The following PHLPP2 variants were observed in gnomAD, a reference collection of about 807,000 sequenced individuals.
The protein encoded by PHLPP2 is PH domain leucine-rich repeat-containing protein phosphatase 2.
Under a neutral mutation model 124.9 loss-of-function variants are expected in PHLPP2, and 66 were observed. That is an observed-to-expected ratio of 0.53 (90% confidence interval 0.43 to 0.65). PHLPP2 has a LOEUF of 0.65. Ranked by LOEUF, PHLPP2 falls within the 30% of genes least tolerant of loss-of-function variation. The pLI is 0.00. For missense variants in PHLPP2, 1,685 were observed against 1,600.4 expected, an observed-to-expected ratio of 1.05 and a Z score of -0.90; for synonymous variants, 681 against 624.7, an observed-to-expected ratio of 1.09 and a Z score of -1.34.
intron 14 of PHLPP2, 57 bp downstream of exon 14, chr16:71,658,596 C>A: frequency 2.0e-6 from 3 of 1,516,826 alleles, no homozygotes; most frequent in Non-Finnish European, 1.8e-6. Flanking sequence ...AAAATAATGT[C>A]ATTCACTCTC....
In PHLPP2 at chr16:71,649,308, A is replaced by G. The variant is rs760386086; in HGVS notation, c.3554T>C (p.Leu1185Pro). 1 of 1,613,804 alleles carries G rather than the reference A, an allele frequency of 6.2e-7. No homozygotes were observed. Among genetic ancestry groups the G allele is most frequent in the African/African-American group, 1.3e-5 (1 of 75,034 alleles). Reference sequence around the variant, plus strand: ...ACACAGGGTAGGAGAACTCTCTATGAGAGGGGGTGAGTTCTCCAGATCCCT... The same window carrying G: ...ACACAGGGTAGGAGAACTCTCTATGGGAGGGGGTGAGTTCTCCAGATCCCT... ...RGRDLENSPP[L>P]IESSPTLCSE... is the part of the protein sequence containing the mutation. Residue 1185 changes from leucine to proline, a missense_variant, in exon 19 of 19, where the codon CTC becomes CCC. Leu to Pro is a moderately conservative substitution (Grantham distance 98, BLOSUM62 -3). Coordinates refer to ENST00000568954, the MANE Select transcript of PHLPP2 (RefSeq NM_015020.3).
chr16:71,697,940 C>T (rs937371373), intron 3 of PHLPP2, among the ~76,000 whole-genome samples: 5 of 151,558 alleles, frequency 3.3e-5, no homozygotes, highest in African/African-American at 4.9e-5. Context: ...CTCTGCCTCC[C>T]GGGTTCACAC....
chr16:71,647,131 T>C lies in PHLPP2; in HGVS notation c.*1759A>G, dbSNP rs2044659122. On this transcript the variant is annotated 3_prime_UTR_variant, in exon 19 of 19. Transcript: ENST00000568954. ...ACAAATTAAAAATGGCCCTACTTTA[T>C]TTTTAATTGTAAAAGTGTTCCAAAA... 1 of 152,666 alleles carries C rather than the reference T, an allele frequency of 6.6e-6. No individual in the cohort carries two copies. The highest frequency in any genetic ancestry group is 6.5e-5 in the Admixed American group (1 of 15,276). 9.5% of individuals were successfully genotyped at this position (152,666 alleles called of 1,614,324 possible).
rs1454164178 is a variant in PHLPP2, at chr16:71,648,082, G to C, written c.*808C>G. On this transcript the variant is annotated 3_prime_UTR_variant, in exon 19 of 19. Coordinates refer to ENST00000568954, the MANE Select transcript of PHLPP2 (RefSeq NM_015020.3). ...CTACATTTCCAACAGACATCATTTT[G>C]ATAGGCTGTATTCTCGTAGAGAAGA... 6.6e-6 allele frequency: 1 copy of C among 152,606 alleles called. No individual in the cohort carries two copies. Among genetic ancestry groups the C allele is most frequent in the Admixed American group, 6.5e-5 (1 of 15,280 alleles). 9.5% of individuals were successfully genotyped at this position (152,606 alleles called of 1,614,324 possible).
chr16:71,667,195 G>A lies in PHLPP2; in HGVS notation c.1767C>T (p.Leu589=). Residue 589 remains leucine, a synonymous_variant, in exon 12 of 19, where the codon CTC becomes CTT. Coordinates refer to ENST00000568954, the MANE Select transcript of PHLPP2 (RefSeq NM_015020.3). Reference sequence around the variant, plus strand: ...ATACTTACTTTAAGGCCTTGGAGAAGAGGGTGTCTGGCAGCCTCGTGAGTG... The same window carrying A: ...ATACTTACTTTAAGGCCTTGGAGAAAAGGGTGTCTGGCAGCCTCGTGAGTG... ...HNALTRLPDT[L]FSKALNLRYL... 1 of 1,613,222 alleles carries A rather than the reference G, an allele frequency of 6.2e-7. No homozygotes were observed. Among genetic ancestry groups the A allele is most frequent in the Non-Finnish European group, 8.5e-7 (1 of 1,179,742 alleles).
At chr16:71,666,651 A>G (rs1456815038) in intron 12 of PHLPP2, among the ~76,000 whole-genome samples, 1 of 152,266 alleles carries the variant, frequency 6.6e-6, no homozygotes, top group Non-Finnish European at 1.5e-5. Context: ...TCTATTTGTT[A>G]ATTTATAGTG....
At chr16:71,660,161 G>A (rs1438997816) in intron 13 of PHLPP2, among the ~76,000 whole-genome samples, 1 of 151,722 alleles carries the variant, frequency 6.6e-6, no homozygotes, top group Non-Finnish European at 1.5e-5. Context: ...CATTTTAGTA[G>A]ATAGTATTCT....
At chr16:71,666,968 G>T (rs2044844969) in intron 12 of PHLPP2, among the ~76,000 whole-genome samples, 1 of 152,094 alleles carries the variant, frequency 6.6e-6, no homozygotes, top group African/African-American at 2.4e-5. Flanking sequence ...CCTCTTTAAG[G>T]ATTTAACAGT....
At chr16:71,711,777 T>C (rs1421046647) in intron 2 of PHLPP2, among the ~76,000 whole-genome samples, 1 of 152,248 alleles carries the variant, frequency 6.6e-6, no homozygotes, top group East Asian at 1.9e-4. Flanking sequence ...ATGCCTTAGA[T>C]TGTCAACTAT....
At chr16:71,679,020 A>C (rs201333912) in intron 7 of PHLPP2, 35 bp from the exon 8 acceptor site, 1 of 1,196,632 alleles carries the variant, frequency 8.4e-7, no homozygotes, top group African/African-American at 1.5e-5. Context: ...CTACTTTATG[A>C]AAGGTTTCAC....
At chr16:71,657,358 G>A (rs763042212) in intron 15 of PHLPP2, among the ~76,000 whole-genome samples, 43 of 151,724 alleles carry the variant, frequency 2.8e-4, no homozygotes, top group Middle Eastern at 6.8e-3. Context: ...AATTACAGGC[G>A]TGAGCCACCA....
At chr16:71,661,316 C>G (rs1480984437) in intron 13 of PHLPP2, among the ~76,000 whole-genome samples, 1 of 152,098 alleles carries the variant, frequency 6.6e-6, no homozygotes, top group Non-Finnish European at 1.5e-5. Flanking sequence ...CGTGATCCAC[C>G]CAACTCAGCT....
chr16:71,687,611 T>G (rs2045066054), intron 4 of PHLPP2, among the ~76,000 whole-genome samples: 1 of 152,192 alleles, frequency 6.6e-6, no homozygotes, highest in Non-Finnish European at 1.5e-5. Context: ...TATTTTAGCG[T>G]TACAAAGTCT....
rs764598355 is a variant in PHLPP2, at chr16:71,649,120, G to A, written c.3742C>T (p.Leu1248=). Residue 1248 remains leucine (L), a synonymous_variant, in exon 19 of 19, where the codon CTA becomes TTA. Transcript: ENST00000568954. The part of the protein sequence containing the change: ...KKLSNGSIVP[L]EDSLNLIEVA... ...TCAATGAGGTTCAGGCTGTCCTCTA[G>A]GGGCACAATAGAGCCATTGGAGAGT... is the stretch of plus-strand genomic sequence containing the variant. 4.3e-6 allele frequency: 7 copies of A among 1,613,892 alleles called. No individual in the cohort carries two copies. The highest frequency in any genetic ancestry group is 5.1e-6 in the Non-Finnish European group (6 of 1,179,896).
Position 71,646,859 on chromosome 16 carries a change from C to G in PHLPP2, c.*2031G>C, listed in dbSNP as rs377747026. On this transcript the variant is annotated 3_prime_UTR_variant, in exon 19 of 19. Transcript: ENST00000568954. ...AATAGCTGACCAGTAGTTTGACAATCTGGGGACTCAAGTTCAGATTCTCGA... is the reference window on the plus strand; with the variant it reads ...AATAGCTGACCAGTAGTTTGACAATGTGGGGACTCAAGTTCAGATTCTCGA... 2.0e-5 allele frequency: 3 copies of G among 152,308 alleles called. No homozygotes were observed. Among genetic ancestry groups the G allele is most frequent in the South Asian group, 4.2e-4 (2 of 4,818 alleles). The allele number at this position is 152,308 out of a possible 1,614,324, so 9.4% of individuals were successfully genotyped here.
rs1026287519 is a variant in PHLPP2, at chr16:71,645,076, T to A, written c.*3814A>T. ...TTTCAAAAATATCAAAAATACACTATAATGAGTCTTAAGACTACAATACGA... is the reference window on the plus strand; with the variant it reads ...TTTCAAAAATATCAAAAATACACTAAAATGAGTCTTAAGACTACAATACGA... On this transcript the variant is annotated 3_prime_UTR_variant, in exon 19 of 19. Coordinates refer to ENST00000568954, the MANE Select transcript of PHLPP2 (RefSeq NM_015020.3). The A allele has an allele frequency of 1.1e-4, 30 of 274,472 alleles. No homozygotes were observed. Among genetic ancestry groups the A allele is most frequent in the Non-Finnish European group, 2.1e-4 (29 of 140,014 alleles). The allele number at this position is 274,472 out of a possible 1,614,324, so 17.0% of individuals were successfully genotyped here. A position where few individuals can be genotyped will look rare whatever the true frequency, so the allele number is the denominator to read the frequency against.
intron 15 of PHLPP2, among the ~76,000 whole-genome samples, chr16:71,657,487 C>T (rs570676590): frequency 1.3e-5 from 2 of 151,990 alleles, no homozygotes; most frequent in South Asian, 2.1e-4. Flanking sequence ...CTCCGCCTCC[C>T]GGGTTCACGC....
At chr16:71,716,550 T>C (rs1321047214) in intron 1 of PHLPP2, among the ~76,000 whole-genome samples, 1 of 152,260 alleles carries the variant, frequency 6.6e-6, no homozygotes, top group African/African-American at 2.4e-5. Flanking sequence ...ATTTCTGTTC[T>C]TTTTGATAAA....
At position 71,657,995 on chromosome 16, in the gene PHLPP2, T is replaced by A. The variant is rs911704184; in HGVS notation, c.2279+238A>T. On this transcript the variant is annotated intron_variant, in intron 15 of 18. Coordinates refer to ENST00000568954, the MANE Select transcript of PHLPP2 (RefSeq NM_015020.3). Reference sequence around the variant, plus strand: ...TGCCACCTAAAACATCTATGCCTGTTGTGAAAATATTCAGTATGTTGGGGG... The same window carrying A: ...TGCCACCTAAAACATCTATGCCTGTAGTGAAAATATTCAGTATGTTGGGGG... Among the ~76,000 whole-genome samples, 7 of 152,236 alleles carry A rather than the reference T, an allele frequency of 4.6e-5. 1 individual carries two copies. The highest frequency in any genetic ancestry group is 1.4e-4 in the African/African-American group (6 of 41,454).
Sources: gnomAD v4.1 joint callset for allele counts (sites outside exome capture counted in the v4.1 genomes callset) on GRCh38, gnomAD v4.1.1 for gene constraint, MANE v1.5 for transcripts, NCBI Gene and HGNC (gene_info 2026-07-23, HGNC 2026-07-21) for gene names.